The following TGFBR2 variants were observed in gnomAD, a reference collection of about 807,000 sequenced individuals.
TGFBR2 encodes TGF-beta receptor type-2.
Under a neutral mutation model 49.0 loss-of-function variants are expected in TGFBR2, and 18 were observed. The observed-to-expected ratio is 0.37, with a 90% confidence interval of 0.25 to 0.54. The LOEUF is 0.54. Ranked by LOEUF, TGFBR2 falls within the 20% of genes least tolerant of loss-of-function variation. TGFBR2 has a pLI of 0.85. For missense variants in TGFBR2, 525 were observed against 722.6 expected, an observed-to-expected ratio of 0.73 and a Z score of 3.13; for synonymous variants, 282 against 275.9, an observed-to-expected ratio of 1.02 and a Z score of -0.22.
At chr3:30,675,536 A>G (rs1699421960) in intron 5 of TGFBR2, among the ~76,000 whole-genome samples, 1 of 151,990 alleles carries the variant, frequency 6.6e-6, no homozygotes, top group African/African-American at 2.4e-5. Flanking sequence ...ACAGACATGC[A>G]CCACCACGCT....
At chr3:30,644,225 C>T (rs773087603) in intron 1 of TGFBR2, among the ~76,000 whole-genome samples, 117 of 152,258 alleles carry the variant, frequency 7.7e-4, no homozygotes, top group Non-Finnish European at 1.2e-3. Flanking sequence ...AGCAACGGTT[C>T]CTCCTTTGGT....
In TGFBR2 at chr3:30,674,085, A is replaced by G. The variant is rs1224422472; in HGVS notation, c.1255-20A>G. On this transcript the variant is annotated intron_variant, in intron 4 of 6. Coordinates refer to ENST00000295754, the MANE Select transcript of TGFBR2 (RefSeq NM_003242.6). ...CAGCTGGAATTAAATGATGGGCCTC[A>G]CTGTCTGTTTTTGCTATAGGTGGGA... The G allele has an allele frequency of 6.2e-7, 1 of 1,614,016 alleles. No homozygotes were observed. Among genetic ancestry groups the G allele is most frequent in the African/African-American group, 1.3e-5 (1 of 74,926 alleles).
chr3:30,673,168 A>C (rs1575158474), intron 4 of TGFBR2, among the ~76,000 whole-genome samples: 1 of 152,326 alleles, frequency 6.6e-6, no homozygotes, highest in Non-Finnish European at 1.5e-5. Flanking sequence ...CCCTGTGTCC[A>C]TGGCAGCGCA....
intron 2 of TGFBR2, among the ~76,000 whole-genome samples, chr3:30,647,898 C>T (rs1559457899): frequency 6.6e-6 from 1 of 151,946 alleles, no homozygotes; most frequent in African/African-American, 2.4e-5. Context: ...AGGCTGGTCT[C>T]GAACTCCTGA....
At chr3:30,636,805 C>G (rs553387916) in intron 1 of TGFBR2, among the ~76,000 whole-genome samples, 43 of 151,824 alleles carry the variant, frequency 2.8e-4, no homozygotes, top group Non-Finnish European at 5.7e-4. Flanking sequence ...TGGCTCAAGC[C>G]TGTAATCCCA....
At chr3:30,654,200 TC>T (rs947040002) in intron 3 of TGFBR2, among the ~76,000 whole-genome samples, 5 of 152,346 alleles carry the variant, frequency 3.3e-5, no homozygotes, top group African/African-American at 1.2e-4. Context: ...TAACATTTGT[TC>T]CTTTTGTTGT....
At chr3:30,621,768 A>G (rs1698236175) in intron 1 of TGFBR2, among the ~76,000 whole-genome samples, 1 of 152,212 alleles carries the variant, frequency 6.6e-6, no homozygotes. Context: ...TACATTATTC[A>G]GCACTTTACA....
intron 1 of TGFBR2, among the ~76,000 whole-genome samples, chr3:30,632,775 T>A (rs1452342258): frequency 6.6e-6 from 1 of 152,186 alleles, no homozygotes; most frequent in Non-Finnish European, 1.5e-5. Context: ...TTCATCATGA[T>A]CCTACATGGG....
At chr3:30,642,003 C>T (rs562119226) in intron 1 of TGFBR2, among the ~76,000 whole-genome samples, 1 of 152,064 alleles carries the variant, frequency 6.6e-6, no homozygotes, top group East Asian at 1.9e-4. Context: ...TTGTGTTCTG[C>T]AAGCATCGGA....
At chr3:30,607,675 C>G (rs1037619035) in intron 1 of TGFBR2, among the ~76,000 whole-genome samples, 1 of 151,554 alleles carries the variant, frequency 6.6e-6, no homozygotes, top group Non-Finnish European at 1.5e-5. Context: ...ATAGTCCTGT[C>G]TTCAGGGAGT....
In TGFBR2 at chr3:30,606,925, C is replaced by A; in HGVS notation, c.42C>A (p.Ile14=). ...TCAGGGGCCTGTGGCCGCTGCACATCGTCCTGTGGACGCGTATCGCCAGCA... is the reference window on the plus strand; with the variant it reads ...TCAGGGGCCTGTGGCCGCTGCACATAGTCCTGTGGACGCGTATCGCCAGCA... ...GLLRGLWPLH[I]VLWTRIASTI... The change falls in exon 1 of 7, where the codon ATC becomes ATA. Residue 14 remains isoleucine (I), a synonymous_variant. Transcript: ENST00000295754. 6.3e-7 allele frequency: 1 copy of A among 1,599,998 alleles called. No individual in the cohort carries two copies. The highest frequency in any genetic ancestry group is 8.5e-7 in the Non-Finnish European group (1 of 1,173,206).
At chr3:30,636,919 C>A (rs1218174427) in intron 1 of TGFBR2, among the ~76,000 whole-genome samples, 1 of 151,924 alleles carries the variant, frequency 6.6e-6, no homozygotes, top group African/African-American at 2.4e-5. Context: ...AAAAAATTAG[C>A]CAAGCGTGGT....
chr3:30,690,125 C>T lies in TGFBR2; in HGVS notation c.1525-1295C>T, dbSNP rs187190522. ...ACAAGTAGAAAAAGTGCCAGCTCTC[C>T]CAGGTAGTTTTGAGATTTATCCATC... On this transcript the variant is annotated intron_variant, in intron 6 of 6. Coordinates refer to ENST00000295754, the MANE Select transcript of TGFBR2 (RefSeq NM_003242.6). 1.9e-3 allele frequency among the ~76,000 whole-genome samples: 295 copies of T among 152,204 alleles called. 2 individuals are homozygous for T. Among genetic ancestry groups the T allele is most frequent in the African/African-American group, 6.8e-3 (284 of 41,506 alleles).
At position 30,691,506 on chromosome 3, in the gene TGFBR2, C is replaced by T. The variant is rs2125455451; in HGVS notation, c.1611C>T (p.Arg537=). The part of the protein sequence containing the change: ...ARLTAQCVAE[R]FSELEHLDRL... ...TCACAGCCCAGTGTGTGGCAGAACG[C>T]TTCAGTGAGCTGGAGCATCTGGACA... Residue 537 remains arginine (R), a synonymous_variant, in exon 7 of 7, where the codon CGC becomes CGT. Transcript: ENST00000295754. The T allele has an allele frequency of 1.2e-6, 2 of 1,614,142 alleles. No individual in the cohort carries two copies. The highest frequency in any genetic ancestry group is 2.2e-5 in the South Asian group (2 of 91,070).
intron 1 of TGFBR2, among the ~76,000 whole-genome samples, chr3:30,623,920 T>C (rs1387973657): frequency 6.6e-6 from 1 of 152,148 alleles, no homozygotes; most frequent in African/African-American, 2.4e-5. Flanking sequence ...GGTAGGTGGA[T>C]CACCTGAGGT....
At chr3:30,683,410 T>G (rs1412474306) in intron 5 of TGFBR2, among the ~76,000 whole-genome samples, 1 of 152,348 alleles carries the variant, frequency 6.6e-6, no homozygotes, top group African/African-American at 2.4e-5. Flanking sequence ...TTGTAATTCA[T>G]TTCTACTGTA....
At chr3:30,644,285 G>A (rs1053155393) in intron 1 of TGFBR2, among the ~76,000 whole-genome samples, 2 of 152,166 alleles carry the variant, frequency 1.3e-5, no homozygotes, top group African/African-American at 2.4e-5. Context: ...CCAGCTGAGC[G>A]GTGATGCTCG....
intron 1 of TGFBR2, among the ~76,000 whole-genome samples, chr3:30,607,428 C>T (rs1290027151): frequency 6.6e-6 from 1 of 152,370 alleles, no homozygotes; most frequent in East Asian, 1.9e-4. Flanking sequence ...GTTCAAAAGG[C>T]CAGCTCCTCA....
intron 3 of TGFBR2, among the ~76,000 whole-genome samples, chr3:30,666,102 A>C (rs1305455049): frequency 6.6e-6 from 1 of 152,214 alleles, no homozygotes; most frequent in Non-Finnish European, 1.5e-5. Flanking sequence ...AAAATAAAAA[A>C]AGATGCAATT....
Sources: gnomAD v4.1 joint callset for allele counts (sites outside exome capture counted in the v4.1 genomes callset) on GRCh38, gnomAD v4.1.1 for gene constraint, MANE v1.5 for transcripts, NCBI Gene and HGNC (gene_info 2026-07-23, HGNC 2026-07-21) for gene names.